The following GRID2 variants were observed in gnomAD, a reference collection of about 807,000 sequenced individuals.
GRID2 encodes glutamate ionotropic receptor delta type subunit 2.
GRID2 carries 33 observed loss-of-function variants against 114.8 expected under a neutral mutation model. The observed-to-expected ratio is 0.29, with a 90% CI of 0.22 to 0.38. The LOEUF (loss-of-function observed/expected upper bound fraction) is 0.38. GRID2 is among the 10% of genes least tolerant of loss of function. GRID2 has a pLI of 1.00. For synonymous variants in GRID2, 505 were observed against 449.9 expected, an observed-to-expected ratio of 1.12 and a Z score of -1.55; for missense variants, 1,184 against 1,257.7, an observed-to-expected ratio of 0.94 and a Z score of 0.89.
chr4:93,070,186 G>A (rs186114138), intron 2 of GRID2, among the ~76,000 whole-genome samples: 1 of 152,146 alleles, frequency 6.6e-6, no homozygotes, highest in Admixed American at 6.6e-5. Flanking sequence ...TGAGTGAAAA[G>A]CTGTCTTTTG....
chr4:92,515,301 G>C (rs2149135003), intron 1 of GRID2, among the ~76,000 whole-genome samples: 1 of 151,904 alleles, frequency 6.6e-6, no homozygotes, highest in Admixed American at 6.6e-5. Context: ...TTAATAAACT[G>C]TGATCACTGT....
chr4:92,706,055 C>T lies in GRID2; in HGVS notation c.244+115769C>T, dbSNP rs541623282. On this transcript the variant is annotated intron_variant, in intron 2 of 15. Transcript: ENST00000282020. ...GCTGGCTTGCAGCCTGAAGTAAAGGCGCAGTTTTAAAAACATCAAGGTCTT... is the reference window on the plus strand; with the variant it reads ...GCTGGCTTGCAGCCTGAAGTAAAGGTGCAGTTTTAAAAACATCAAGGTCTT... Among the ~76,000 whole-genome samples, 31 of 152,248 alleles carry T rather than the reference C, an allele frequency of 2.0e-4. No individual in the cohort carries two copies. In the South Asian group the frequency reaches 2.7e-3, roughly 13 times the overall value.
chr4:92,330,079 G>A (rs555006335), intron 1 of GRID2, among the ~76,000 whole-genome samples: 162 of 151,946 alleles, frequency 1.1e-3, no homozygotes, highest in African/African-American at 3.5e-3. Flanking sequence ...AGCCAACAGT[G>A]AGGCAGGCAA....
chr4:92,366,129 A>G (rs1045268280), intron 1 of GRID2, among the ~76,000 whole-genome samples: 2 of 152,064 alleles, frequency 1.3e-5, no homozygotes, highest in African/African-American at 2.4e-5. Context: ...TATCATATCA[A>G]TAAAATAGCA....
intron 8 of GRID2, among the ~76,000 whole-genome samples, chr4:93,316,208 T>C (rs1316912005): frequency 6.6e-6 from 1 of 150,614 alleles, no homozygotes; most frequent in Non-Finnish European, 1.5e-5. Flanking sequence ...TTTACAGTTG[T>C]AGTAGGTCCA....
intron 1 of GRID2, among the ~76,000 whole-genome samples, chr4:92,379,062 AT>A (rs539679190): frequency 2.2e-4 from 34 of 152,074 alleles, no homozygotes; most frequent in South Asian, 1.0e-3. Flanking sequence ...CTAAAATTGT[AT>A]TTTCCATTTT....
chr4:92,791,852 A>T (rs1739606500), intron 2 of GRID2, among the ~76,000 whole-genome samples: 1 of 151,888 alleles, frequency 6.6e-6, no homozygotes, highest in Non-Finnish European at 1.5e-5. Flanking sequence ...GAATTGGAAG[A>T]ACTCTCCTTG....
chr4:92,606,580 C>G (rs975010961), intron 2 of GRID2, among the ~76,000 whole-genome samples: 4 of 151,932 alleles, frequency 2.6e-5, no homozygotes, highest in Admixed American at 1.3e-4. Flanking sequence ...CTCTGTATCA[C>G]TCTCTTGAAA....
chr4:93,000,229 G>T (rs533057048), intron 2 of GRID2, among the ~76,000 whole-genome samples: 2 of 151,762 alleles, frequency 1.3e-5, no homozygotes, highest in East Asian at 3.9e-4. Context: ...AATAGTAACA[G>T]TGTTTTGTTT....
chr4:93,444,140 A>G (rs1721877457), intron 10 of GRID2, among the ~76,000 whole-genome samples: 1 of 152,040 alleles, frequency 6.6e-6, no homozygotes, highest in South Asian at 2.1e-4. Flanking sequence ...TCACAAACTC[A>G]GGTGAAAATA....
intron 2 of GRID2, among the ~76,000 whole-genome samples, chr4:92,900,249 A>G (rs1747470180): frequency 1.3e-5 from 2 of 152,166 alleles, no homozygotes; most frequent in Admixed American, 6.6e-5. Context: ...GGCAGAGACA[A>G]TCATTTAACG....
At chr4:93,217,013 T>G in intron 6 of GRID2, 102 bp downstream of exon 6, 1 of 712,138 alleles carries the variant, frequency 1.4e-6, no homozygotes, top group Non-Finnish European at 2.4e-6. Context: ...ACGTGTTATT[T>G]CTGAACAATT....
intron 9 of GRID2, among the ~76,000 whole-genome samples, chr4:93,421,202 T>A (rs1768253018): frequency 6.6e-6 from 1 of 152,098 alleles, no homozygotes. Flanking sequence ...GCAGAAAGAA[T>A]AAGAAATGTT....
chr4:92,599,911 G>C (rs575532394), intron 2 of GRID2, among the ~76,000 whole-genome samples: 2 of 151,274 alleles, frequency 1.3e-5, no homozygotes, highest in African/African-American at 4.9e-5. Flanking sequence ...TGTAGTTTCA[G>C]CTACTCGGGA....
At chr4:92,611,184 T>C (rs1304993072) in intron 2 of GRID2, among the ~76,000 whole-genome samples, 1 of 149,700 alleles carries the variant, frequency 6.7e-6, no homozygotes, top group African/African-American at 2.4e-5. Flanking sequence ...CTGCTTAGGC[T>C]GCATAATAAA....
At chr4:93,671,805 C>T (rs923489057) in intron 14 of GRID2, among the ~76,000 whole-genome samples, 8 of 151,284 alleles carry the variant, frequency 5.3e-5, no homozygotes, top group African/African-American at 1.9e-4. Flanking sequence ...CCTGTCTCTA[C>T]CAAAAATACA....
intron 8 of GRID2, among the ~76,000 whole-genome samples, chr4:93,283,954 A>C (rs2149131670): frequency 6.6e-6 from 1 of 152,226 alleles, no homozygotes; most frequent in South Asian, 2.1e-4. Flanking sequence ...GAAGTATATT[A>C]ATGGTTACAC....
At chr4:93,131,546 T>C (rs1408460533) in intron 4 of GRID2, among the ~76,000 whole-genome samples, 1 of 151,818 alleles carries the variant, frequency 6.6e-6, no homozygotes, top group Non-Finnish European at 1.5e-5. Context: ...TATTTATTTG[T>C]AATATTGTTG....
chr4:93,697,362 A>T lies in GRID2; in HGVS notation c.2360+70927A>T, dbSNP rs1454558097. Among the ~76,000 whole-genome samples, 5 of 152,130 alleles carry T rather than the reference A, an allele frequency of 3.3e-5. No homozygotes were observed. In the East Asian group the frequency reaches 9.6e-4, roughly 29 times the overall value. ...TCATTCCAATTCTTGTGAACAAGTG[A>T]CAGAGAGTTTGTGGGCTACACATCA... On this transcript the variant is annotated intron_variant, in intron 14 of 15. Transcript: ENST00000282020.
Sources: gnomAD v4.1 joint callset for allele counts (sites outside exome capture counted in the v4.1 genomes callset) on GRCh38, gnomAD v4.1.1 for gene constraint, MANE v1.5 for transcripts, NCBI Gene and HGNC (gene_info 2026-07-23, HGNC 2026-07-21) for gene names.